Variants in CR1L observed in about 807,000 individuals in gnomAD.
CR1L encodes the protein complement component receptor 1-like protein.
In CR1L, 59 loss-of-function variants were observed where a neutral mutation model predicts 62.3. That is an observed-to-expected ratio of 0.95 (90% confidence interval 0.77 to 1.18). The LOEUF (loss-of-function observed/expected upper bound fraction) is 1.18. CR1L is among the 50% of genes most tolerant of loss of function. The probability of loss-of-function intolerance (pLI) is 0.00; values close to 1 mark genes in which losing one functional copy is unlikely to be tolerated. For missense variants in CR1L, 700 were observed against 702.8 expected, an observed-to-expected ratio of 1.00 and a Z score of 0.04; for synonymous variants, 279 against 248.7, an observed-to-expected ratio of 1.12 and a Z score of -1.15.
chr1:207,666,256 G>C (rs934598957), intron 1 of CR1L, among the ~76,000 whole-genome samples: 1 of 152,152 alleles, frequency 6.6e-6, no homozygotes, highest in Admixed American at 6.5e-5. Context: ...GAACTCCAAA[G>C]GTTTATGGCT....
intron 10 of CR1L, chr1:207,708,986 A>G: frequency 3.0e-6 from 1 of 334,184 alleles, no homozygotes; most frequent in South Asian, 2.4e-5. Flanking sequence ...GTAGATCAGT[A>G]TCCAGTTATT....
At chr1:207,721,001 G>A (rs561105987) in intron 11 of CR1L, among the ~76,000 whole-genome samples, 1 of 152,164 alleles carries the variant, frequency 6.6e-6, no homozygotes, top group African/African-American at 2.4e-5. Flanking sequence ...CATTTCTAAG[G>A]TAAATGGAGT....
chr1:207,703,578 G>A (rs1236524323), intron 9 of CR1L, among the ~76,000 whole-genome samples: 1 of 152,228 alleles, frequency 6.6e-6, no homozygotes, highest in Non-Finnish European at 1.5e-5. Flanking sequence ...AGATGGACAA[G>A]GAGATGCATG....
chr1:207,676,025 T>C (rs1663684884), intron 1 of CR1L, among the ~76,000 whole-genome samples: 1 of 152,142 alleles, frequency 6.6e-6, no homozygotes, highest in Non-Finnish European at 1.5e-5. Context: ...AATCTGAGTG[T>C]CCACTGAGTG....
chr1:207,649,564 G>A (rs930391298), intron 1 of CR1L, among the ~76,000 whole-genome samples: 1 of 152,122 alleles, frequency 6.6e-6, no homozygotes, highest in African/African-American at 2.4e-5. Context: ...AGAGTTTGTC[G>A]GTCTCAGCAT....
intron 11 of CR1L, among the ~76,000 whole-genome samples, chr1:207,721,676 G>C (rs1203065275): frequency 2.5e-4 from 37 of 150,580 alleles, no homozygotes; most frequent in African/African-American, 8.8e-4. Context: ...CTTTATAGCA[G>C]CATGATTTAT....
At chr1:207,659,895 C>A (rs1429550569) in intron 1 of CR1L, among the ~76,000 whole-genome samples, 1 of 152,234 alleles carries the variant, frequency 6.6e-6, no homozygotes, top group African/African-American at 2.4e-5. Context: ...GAGCCTTGCT[C>A]GCTGCTAGTG....
At chr1:207,686,608 A>G (rs1464606778) in intron 4 of CR1L, among the ~76,000 whole-genome samples, 1 of 152,246 alleles carries the variant, frequency 6.6e-6, no homozygotes, top group East Asian at 1.9e-4. Flanking sequence ...ATTTTTATAT[A>G]TAACAAATAC....
chr1:207,690,828 C>T (rs760100674), intron 4 of CR1L, among the ~76,000 whole-genome samples: 12 of 152,142 alleles, frequency 7.9e-5, no homozygotes, highest in South Asian at 2.1e-4. Flanking sequence ...TTTCGTTTTC[C>T]GCCTCCATCT....
intron 1 of CR1L, chr1:207,657,316 TA>T (rs2102443234): frequency 1.8e-6 from 2 of 1,100,570 alleles, no homozygotes; most frequent in East Asian, 4.7e-5. Context: ...CTCCAGAGTG[TA>T]AAAGTCACCT....
chr1:207,686,004 T>C (rs1285915454), intron 4 of CR1L, among the ~76,000 whole-genome samples: 1 of 150,890 alleles, frequency 6.6e-6, no homozygotes, highest in Non-Finnish European at 1.5e-5. Flanking sequence ...ACTCTTTGTC[T>C]TCTTTTCTTT....
intron 10 of CR1L, among the ~76,000 whole-genome samples, chr1:207,712,034 C>G (rs897232173): frequency 2.0e-5 from 3 of 152,208 alleles, no homozygotes; most frequent in African/African-American, 7.2e-5. Context: ...TGTGAGTTAG[C>G]CCTGCTCTGC....
intron 8 of CR1L, among the ~76,000 whole-genome samples, chr1:207,700,787 A>T (rs531336286): frequency 1.3e-5 from 2 of 152,342 alleles, no homozygotes; most frequent in African/African-American, 4.8e-5. Context: ...TGTCCCCAGG[A>T]TCCTGATGAG....
Position 207,684,957 on chromosome 1 carries a change from A to T in CR1L, c.463+1000A>T, listed in dbSNP as rs149743927. On this transcript the variant is annotated intron_variant, in intron 4 of 11. Coordinates refer to ENST00000508064, the MANE Select transcript of CR1L (RefSeq NM_175710.2). Reference sequence around the variant, plus strand: ...GCTTCAGAATCTAAATTTACAAATGACATTGGTCACACATTTATTGCTGTT... The same window carrying T: ...GCTTCAGAATCTAAATTTACAAATGTCATTGGTCACACATTTATTGCTGTT... 3.1e-3 allele frequency among the ~76,000 whole-genome samples: 475 copies of T among 152,330 alleles called. 2 individuals carry two copies. Among genetic ancestry groups the T allele is most frequent in the African/African-American group, 9.4e-3 (392 of 41,590 alleles).
chr1:207,652,672 GC>G, intron 1 of CR1L: 1 of 995,194 alleles, frequency 1.0e-6, no homozygotes, highest in Non-Finnish European at 1.6e-6. Context: ...ACCTCCTCTT[GC>G]CACCCATACT....
intron 5 of CR1L, among the ~76,000 whole-genome samples, chr1:207,695,546 A>G (rs1406724762): frequency 6.6e-6 from 1 of 152,206 alleles, no homozygotes; most frequent in African/African-American, 2.4e-5. Context: ...TGGCTTTGCT[A>G]GTCAGCATCC....
intron 4 of CR1L, among the ~76,000 whole-genome samples, chr1:207,689,363 G>A (rs367740619): frequency 2.7e-4 from 41 of 152,170 alleles, no homozygotes; most frequent in East Asian, 1.9e-3. Flanking sequence ...TATGAAATGT[G>A]TGTGAGTGTG....
At chr1:207,695,119 T>A (rs1664056036) in intron 5 of CR1L, among the ~76,000 whole-genome samples, 4 of 152,190 alleles carry the variant, frequency 2.6e-5, no homozygotes, top group African/African-American at 9.6e-5. Flanking sequence ...CCAGTTTTTC[T>A]AGGTTTGTCT....
In CR1L at chr1:207,697,753, G is replaced by A. The variant is rs756572040; in HGVS notation, c.1040-18G>A. 39 of 1,613,968 alleles carry A rather than the reference G, an allele frequency of 2.4e-5. No homozygotes were observed. In the Middle Eastern group the frequency reaches 6.6e-4, roughly 27 times the overall value. On this transcript the variant is annotated intron_variant, in intron 6 of 11. Coordinates refer to ENST00000508064, the MANE Select transcript of CR1L (RefSeq NM_175710.2). ...CTCCACATGCCAGTTATTTCTGTTC[G>A]TTTTTCTTTTTTTCCAGTGAAATCC...
Sources: allele counts gnomAD v4.1 joint callset (sites outside exome capture counted in the v4.1 genomes callset), GRCh38; gene constraint gnomAD v4.1.1; transcripts MANE v1.5; gene names NCBI Gene and HGNC (gene_info 2026-07-23, HGNC 2026-07-21).